The following SOX5 variants were observed in gnomAD, a reference collection of about 807,000 sequenced individuals.
SOX5 encodes the protein SRY-box transcription factor 5, also known as transcription factor SOX-5.
A neutral mutation model predicts 92.0 loss-of-function variants in SOX5; 9 were observed. The observed-to-expected ratio is 0.10, with a 90% CI of 0.06 to 0.17. The LOEUF (loss-of-function observed/expected upper bound fraction) is 0.17. Ranked by LOEUF, SOX5 falls within the 10% of genes least tolerant of loss-of-function variation. The probability of loss-of-function intolerance (pLI) is 1.00; values close to 1 mark genes in which losing one functional copy is unlikely to be tolerated. For missense variants in SOX5, 642 were observed against 944.5 expected, an observed-to-expected ratio of 0.68 and a Z score of 4.20; for synonymous variants, 344 against 336.3, an observed-to-expected ratio of 1.02 and a Z score of -0.25.
At chr12:24,010,354 T>C (rs1952772093) in intron 4 of SOX5, among the ~76,000 whole-genome samples, 1 of 152,142 alleles carries the variant, frequency 6.6e-6, no homozygotes, top group Non-Finnish European at 1.5e-5. Context: ...GTAAGATGAA[T>C]GAATATGTGT....
rs1307098999 is a variant in SOX5 at position 24,208,830 on chromosome 12, T to G, written c.-2+4513A>C. ...TTCAAAAACAACCAAAAAAATGGGGTGAGGGTTGGAAAGTCATTCATGCAG... is the reference window on the plus strand; with the variant it reads ...TTCAAAAACAACCAAAAAAATGGGGGGAGGGTTGGAAAGTCATTCATGCAG... On this transcript the variant is annotated intron_variant, in intron 4 of 4. Coordinates refer to the SOX5 transcript ENST00000446891. Among the ~76,000 whole-genome samples the G allele has an allele frequency of 2.0e-5, 3 of 151,700 alleles. No homozygotes were observed. In the South Asian group the frequency reaches 6.3e-4, roughly 32 times the overall value.
At chr12:23,968,114 G>A (rs1054730748) in intron 4 of SOX5, among the ~76,000 whole-genome samples, 10 of 152,110 alleles carry the variant, frequency 6.6e-5, no homozygotes, top group South Asian at 2.1e-4. Context: ...GCCAGAATGC[G>A]GACTCTACTA....
At chr12:24,165,473 A>AT (rs919372355) in intron 4 of SOX5, among the ~76,000 whole-genome samples, 5 of 152,220 alleles carry the variant, frequency 3.3e-5, no homozygotes, top group African/African-American at 9.6e-5. Context: ...ATGGATTCAA[A>AT]TATTGCTTTT....
chr12:23,643,842 T>C (rs939395396), intron 7 of SOX5, among the ~76,000 whole-genome samples: 1 of 152,022 alleles, frequency 6.6e-6, no homozygotes, highest in Admixed American at 6.5e-5. Flanking sequence ...AAGAAAGGAA[T>C]TGGAGGCAGG....
In SOX5 at chr12:24,042,387, G is replaced by C. The variant is rs115313583; in HGVS notation, c.-1-146363C>G. Among the ~76,000 whole-genome samples, 1,221 of 152,150 alleles carry C rather than the reference G, an allele frequency of 8.0e-3. 18 individuals are homozygous for C. Among genetic ancestry groups the C allele is most frequent in the African/African-American group, 0.027 (1,141 of 41,538 alleles). On this transcript the variant is annotated intron_variant, in intron 4 of 4. Coordinates refer to the SOX5 transcript ENST00000446891. ...TTTATCCTGGCCTGGAATCCCTCTT[G>C]AAATCATGCCTAATATTCACAGTAG...
chr12:24,049,652 T>G (rs1957373979), intron 4 of SOX5, among the ~76,000 whole-genome samples: 1 of 142,308 alleles, frequency 7.0e-6, no homozygotes, highest in African/African-American at 2.7e-5. Flanking sequence ...TTTTTTTTTT[T>G]TTTTTTTTTT....
In SOX5 at chr12:24,528,599, T is replaced by A. The variant is rs118049537; in HGVS notation, c.-251+33730A>T. Reference sequence around the variant, plus strand: ...ATATATCACTATCCCTTGGAAAACGTCTCCACACTGTAGGTGGCCAAATGG... The same window carrying A: ...ATATATCACTATCCCTTGGAAAACGACTCCACACTGTAGGTGGCCAAATGG... On this transcript the variant is annotated intron_variant, in intron 1 of 4. Transcript: ENST00000446891. Among the ~76,000 whole-genome samples the A allele has an allele frequency of 6.8e-3, 1,035 of 152,294 alleles. 8 individuals carry two copies. Among genetic ancestry groups the A allele is most frequent in the Non-Finnish European group, 0.011 (746 of 68,006 alleles).
chr12:24,270,043 G>A (rs1465930752), intron 3 of SOX5, among the ~76,000 whole-genome samples: 1 of 150,816 alleles, frequency 6.6e-6, no homozygotes, highest in African/African-American at 2.4e-5. Flanking sequence ...TCCTATTTTT[G>A]TTCATTTCTA....
intron 1 of SOX5, among the ~76,000 whole-genome samples, chr12:24,502,674 C>A (rs1049859893): frequency 6.6e-6 from 1 of 152,080 alleles, no homozygotes; most frequent in Non-Finnish European, 1.5e-5. Flanking sequence ...CAAATATTTG[C>A]ATAGTCTCAC....
intron 6 of SOX5, among the ~76,000 whole-genome samples, chr12:23,717,726 C>G (rs1320723730): frequency 6.6e-6 from 1 of 152,178 alleles, no homozygotes; most frequent in Non-Finnish European, 1.5e-5. Context: ...CGGAATAAAA[C>G]TTAACTGTGG....
intron 4 of SOX5, among the ~76,000 whole-genome samples, chr12:24,183,957 G>A (rs1439251307): frequency 6.6e-6 from 1 of 152,118 alleles, no homozygotes; most frequent in African/African-American, 2.4e-5. Context: ...CTGACACAGA[G>A]TAACCACTCA....
At chr12:24,532,251 C>T (rs1400889265) in intron 1 of SOX5, among the ~76,000 whole-genome samples, 4 of 152,138 alleles carry the variant, frequency 2.6e-5, no homozygotes, top group African/African-American at 9.7e-5. Flanking sequence ...GTACCTGGCT[C>T]CATATCTTTC....
chr12:24,227,831 T>C (rs1962422924), intron 3 of SOX5: 1 of 152,246 alleles, frequency 6.6e-6, no homozygotes, highest in Non-Finnish European at 1.5e-5. Flanking sequence ...AGGTATTGTG[T>C]AACTAATAAG....
intron 5 of SOX5, among the ~76,000 whole-genome samples, chr12:23,739,721 A>G (rs2093727611): frequency 6.6e-6 from 1 of 152,128 alleles, no homozygotes; most frequent in Non-Finnish European, 1.5e-5. Flanking sequence ...CTCTGCATAA[A>G]ACACTCCTAT....
At chr12:23,756,301 G>A (rs1325769960) in intron 3 of SOX5, among the ~76,000 whole-genome samples, 2 of 151,748 alleles carry the variant, frequency 1.3e-5, no homozygotes, top group Non-Finnish European at 2.9e-5. Flanking sequence ...CTAGAGAAGT[G>A]AGGAATGCTG....
chr12:23,859,064 G>A (rs1454026054), intron 2 of SOX5, among the ~76,000 whole-genome samples: 1 of 151,994 alleles, frequency 6.6e-6, no homozygotes, highest in Non-Finnish European at 1.5e-5. Context: ...TGCGTTAACT[G>A]TACAAATTGT....
chr12:24,006,677 A>G (rs1477988612), intron 4 of SOX5, among the ~76,000 whole-genome samples: 2 of 151,968 alleles, frequency 1.3e-5, no homozygotes, highest in African/African-American at 2.4e-5. Flanking sequence ...TTCCTTGTCC[A>G]TATTCTCCGA....
At position 24,259,185 on chromosome 12, in the gene SOX5, A is replaced by G. The variant is rs146112974; in HGVS notation, c.-77+18031T>C. The stretch of plus-strand genomic sequence containing the variant: ...GCATTCTATATATTCAATGTGGAAC[A>G]GTGTTGGGGAGCACAAGAAAGAGAC... On this transcript the variant is annotated intron_variant, in intron 3 of 4. Transcript: ENST00000446891. 1.7e-4 allele frequency among the ~76,000 whole-genome samples: 26 copies of G among 152,344 alleles called. No individual in the cohort carries two copies. The East Asian group carries it at 5.0e-3, about 29-fold the overall frequency.
intron 6 of SOX5, among the ~76,000 whole-genome samples, chr12:23,712,529 T>C (rs2092149425): frequency 6.6e-6 from 1 of 152,220 alleles, no homozygotes; most frequent in Non-Finnish European, 1.5e-5. Flanking sequence ...ATAGTCACCA[T>C]CTTAATGAAC....
Sources: gnomAD v4.1 joint callset for allele counts (sites outside exome capture counted in the v4.1 genomes callset) on GRCh38, gnomAD v4.1.1 for gene constraint, MANE v1.5 for transcripts, NCBI Gene and HGNC (gene_info 2026-07-23, HGNC 2026-07-21) for gene names.